FNBP1: variants seen among roughly 807,000 people sequenced by gnomAD.
The protein encoded by FNBP1 is formin binding protein 1.
In FNBP1, 26 loss-of-function variants were observed where a neutral mutation model predicts 90.6. That is an observed-to-expected ratio of 0.29 (90% CI 0.21 to 0.40). The LOEUF is 0.40. FNBP1 is among the 10% of genes least tolerant of loss of function. The probability of loss-of-function intolerance (pLI) is 1.00; values close to 1 mark genes in which losing one functional copy is unlikely to be tolerated. For missense variants in FNBP1, 635 were observed against 768.0 expected (o/e 0.83, Z 2.05); for synonymous variants, 260 against 265.2 (o/e 0.98, Z 0.19).
intron 2 of FNBP1, among the ~76,000 whole-genome samples, chr9:129,986,302 A>G (rs2052230161): frequency 1.3e-5 from 2 of 152,132 alleles, no homozygotes. Flanking sequence ...GTAAAAACAC[A>G]AAGGCAATAA....
At position 129,900,444 on chromosome 9, in the gene FNBP1, C is replaced by G. The variant is rs767185137; in HGVS notation, c.1532G>C (p.Cys511Ser). ...DSQNPPTVNNCAQDRESPDGS... is the reference protein window; with the variant it reads ...DSQNPPTVNNSAQDRESPDGS... ...ACTGTACCTCTCACGGTCCTGGGCG[C>G]AGTTGTTGACTGTGGGTGGGTTCTG... The change falls in exon 14 of 17, where the codon TGC becomes TCC. Residue 511 changes from cysteine (C) to serine (S), a missense_variant. Cys to Ser is a moderately radical substitution (Grantham distance 112, BLOSUM62 -1). Coordinates refer to ENST00000446176, the MANE Select transcript of FNBP1 (RefSeq NM_015033.3). This position sits in a 1 kb window ranked among gnomAD's most constrained non-coding sequence, Gnocchi z 4.1. 6.2e-7 allele frequency: 1 copy of G among 1,600,346 alleles called. No individual in the cohort carries two copies.
chr9:129,893,157 C>G (rs1207407252), intron 16 of FNBP1, among the ~76,000 whole-genome samples: 2 of 152,032 alleles, frequency 1.3e-5, no homozygotes, highest in African/African-American at 4.8e-5. Flanking sequence ...TTCCCATTCA[C>G]TTGTTTACTG....
At chr9:129,977,908 A>G (rs1005285764) in intron 4 of FNBP1, among the ~76,000 whole-genome samples, 1 of 152,166 alleles carries the variant, frequency 6.6e-6, no homozygotes, top group Non-Finnish European at 1.5e-5. Flanking sequence ...AAAGGGATGC[A>G]TATTCCTTTG....
chr9:129,985,961 CAAAAAAAAAAAA>C lies in FNBP1; in HGVS notation c.141-6599_141-6588del, dbSNP rs898462142. On this transcript the variant is annotated intron_variant, in intron 2 of 16. Coordinates refer to ENST00000446176, the MANE Select transcript of FNBP1 (RefSeq NM_015033.3). ...GGGCAACAAGAACAAAGCTCCATCT[CAAAAAAAAAAAA>C]AAAAAAAAAAAAATTCGCCAGGTGT... Among the ~76,000 whole-genome samples the C allele has an allele frequency of 4.4e-5, 2 of 45,130 alleles. 1 individual carries two copies. Among genetic ancestry groups the C allele is most frequent in the Non-Finnish European group, 8.1e-5 (2 of 24,590 alleles). 29.6% of individuals were successfully genotyped at this position (45,130 alleles called of 152,430 possible). A position where few individuals can be genotyped will look rare whatever the true frequency, so the allele number is the denominator to read the frequency against.
intron 3 of FNBP1, 92 bp from the exon 4 acceptor site, chr9:129,978,704 G>A: frequency 1.5e-6 from 2 of 1,293,758 alleles, no homozygotes; most frequent in Non-Finnish European, 2.1e-6. Flanking sequence ...TTAAAATCAG[G>A]TTAATTGGCA....
At position 130,031,686 on chromosome 9, in the gene FNBP1, G is replaced by A. The variant is rs947427202; in HGVS notation, c.24+11266C>T. On this transcript the variant is annotated intron_variant, in intron 1 of 16. Coordinates refer to ENST00000446176, the MANE Select transcript of FNBP1 (RefSeq NM_015033.3). The surrounding 1 kb of genome is among the most constrained non-coding windows in gnomAD (Gnocchi z 4.2). Reference sequence around the variant, plus strand: ...TTCTTTCTTTCTTTTTTTTGACAGGGAGTCTCGCTCTGTTGCCCAGGCTGG... The same window carrying A: ...TTCTTTCTTTCTTTTTTTTGACAGGAAGTCTCGCTCTGTTGCCCAGGCTGG... 2.6e-5 allele frequency among the ~76,000 whole-genome samples: 4 copies of A among 151,684 alleles called. No homozygotes were observed. In the East Asian group the frequency reaches 7.7e-4, roughly 29 times the overall value.
At chr9:129,893,618 A>AAAAAAAAAAAAAAAAAAAAG (rs2035336429) in intron 16 of FNBP1, among the ~76,000 whole-genome samples, 1 of 119,782 alleles carries the variant, frequency 8.3e-6, no homozygotes, top group Non-Finnish European at 1.7e-5. Flanking sequence ...GTCTCAAAAA[A>AAAAAAAAAAAAAAAAAAAAG]AAAAAAAAAA....
intron 1 of FNBP1, chr9:130,013,874 CT>C: frequency 2.3e-6 from 1 of 431,674 alleles, no homozygotes; most frequent in Non-Finnish European, 4.6e-6. Flanking sequence ...CTCTCTTGCC[CT>C]AAGTGGCAAA....
chr9:130,009,146 G>A (rs970110848), intron 1 of FNBP1, among the ~76,000 whole-genome samples: 1 of 152,098 alleles, frequency 6.6e-6, no homozygotes, highest in African/African-American at 2.4e-5. Flanking sequence ...TTAAGGCCCT[G>A]GCATCTGAAA....
chr9:129,924,146 T>G, intron 9 of FNBP1, 120 bp from the exon 10 acceptor site: 6 of 1,038,056 alleles, frequency 5.8e-6, no homozygotes, highest in African/African-American at 1.7e-5. Flanking sequence ...CAATTAAATT[T>G]TAGGCCATGG....
chr9:129,900,525 C>A lies in FNBP1; in HGVS notation c.1451G>T (p.Gly484Val). 6.3e-7 allele frequency: 1 copy of A among 1,578,132 alleles called. No homozygotes were observed. Among genetic ancestry groups the A allele is most frequent in the Admixed American group, 1.9e-5 (1 of 52,196 alleles). The stretch of plus-strand genomic sequence containing the variant: ...CTGCTCGCTGCGTGCTGGGAGCCGG[C>A]CTTCAACCTCAGCCAGCCAGGCCTG... Reference protein sequence around the residue: ...KFEAWLAEVEGRLPARSEQAR... With the variant: ...KFEAWLAEVEVRLPARSEQAR... The change falls in exon 14 of 17, where the codon GGC becomes GTC. Residue 484 changes from glycine (G) to valine (V), a missense_variant. By Grantham distance (109) the Gly-to-Val change is moderately radical. Transcript: ENST00000446176. The surrounding 1 kb of genome is among the most constrained non-coding windows in gnomAD (Gnocchi z 4.1).
At chr9:129,967,814 G>C (rs188771906) in intron 4 of FNBP1, among the ~76,000 whole-genome samples, 7 of 152,262 alleles carry the variant, frequency 4.6e-5, no homozygotes, top group African/African-American at 1.7e-4. Context: ...ATGAAGAAAA[G>C]AATTTGAGTG....
At position 129,957,390 on chromosome 9, in the gene FNBP1, G is replaced by A. The variant is rs754069590; in HGVS notation, c.483C>T (p.Asp161=). ...AQQYFEKMDA[D]INVTKADVEK... Reference sequence around the variant, plus strand: ...CAACATCCGCTTTTGTGACATTGATGTCAGCGTCCATTTTCTCAAAGTACT... The same window carrying A: ...CAACATCCGCTTTTGTGACATTGATATCAGCGTCCATTTTCTCAAAGTACT... Residue 161 remains aspartate (D), a synonymous_variant, in exon 6 of 17, where the codon GAC becomes GAT. Transcript: ENST00000446176. This position sits in a 1 kb window ranked among gnomAD's most constrained non-coding sequence, Gnocchi z 4.3. The A allele has an allele frequency of 6.2e-7, 1 of 1,613,386 alleles. No individual in the cohort carries two copies. The highest frequency in any genetic ancestry group is 2.2e-5 in the East Asian group (1 of 44,832).
Position 129,887,543 on chromosome 9 carries a change from T to G in FNBP1, c.*2996A>C, listed in dbSNP as rs1177975676. 4.8e-6 allele frequency: 1 copy of G among 210,204 alleles called. No individual in the cohort carries two copies. Among genetic ancestry groups the G allele is most frequent in the African/African-American group, 2.3e-5 (1 of 44,030 alleles). The allele number at this position is 210,204 out of a possible 1,614,324, so 13.0% of individuals were successfully genotyped here. A position where few individuals can be genotyped will look rare whatever the true frequency, so the allele number is the denominator to read the frequency against. On this transcript the variant is annotated 3_prime_UTR_variant, in exon 17 of 17. Transcript: ENST00000446176. ...CGTCACTTTTTGACGTCGTGTAAAC[T>G]TTCTTCTGCAATGACGGATGTTACC...
the FNBP1 span, among the ~76,000 whole-genome samples, chr9:130,050,905 T>G: frequency 2.3e-4 from 1 of 4,386 alleles, no homozygotes; most frequent in African/African-American, 2.6e-4. Flanking sequence ...TGCTCGCTAA[T>G]TTTTTTTTTT....
chr9:129,915,906 T>C, intron 11 of FNBP1, 60 bp downstream of exon 11: 2 of 1,295,086 alleles, frequency 1.5e-6, no homozygotes, highest in Non-Finnish European at 2.2e-6. Flanking sequence ...ATAGCATTCA[T>C]AAAAGACACG....
the FNBP1 span, among the ~76,000 whole-genome samples, chr9:130,051,278 C>G: frequency 6.6e-6 from 1 of 152,056 alleles, no homozygotes; most frequent in Non-Finnish European, 1.5e-5. Flanking sequence ...CTCAAGTTAT[C>G]CACCAGCCTT....
intron 1 of FNBP1, among the ~76,000 whole-genome samples, chr9:129,995,286 A>G (rs991527179): frequency 1.3e-5 from 2 of 152,196 alleles, no homozygotes; most frequent in African/African-American, 2.4e-5. Context: ...ATACACACAA[A>G]CACAGCCACA....
intron 16 of FNBP1, among the ~76,000 whole-genome samples, chr9:129,894,629 G>GGTTTCT: frequency 6.6e-6 from 1 of 152,326 alleles, no homozygotes; most frequent in East Asian, 1.9e-4. Flanking sequence ...CTGGGCAAGC[G>GGTTTCT]TGAGTGCAGC....
Sources: gnomAD v4.1 joint callset for allele counts (sites outside exome capture counted in the v4.1 genomes callset) on GRCh38, gnomAD v4.1.1 for gene constraint, Gnocchi (gnomAD v3.1) non-coding constraint, MANE v1.5 for transcripts, NCBI Gene and HGNC (gene_info 2026-07-23, HGNC 2026-07-21) for gene names.